Variants in MAN2A1 observed in about 807,000 individuals in gnomAD.
MAN2A1 encodes alpha-mannosidase 2.
MAN2A1 carries 76 observed loss-of-function variants against 142.6 expected under a neutral mutation model. That is an observed-to-expected ratio of 0.53 (90% CI 0.44 to 0.65). The LOEUF (loss-of-function observed/expected upper bound fraction) is 0.65. MAN2A1 is among the 30% of genes least tolerant of loss of function. The pLI, the probability that MAN2A1 is intolerant of heterozygous loss-of-function variation, is 0.00. For missense variants in MAN2A1, 1,311 were observed against 1,365.1 expected, an observed-to-expected ratio of 0.96 and a Z score of 0.62; for synonymous variants, 559 against 473.2, an observed-to-expected ratio of 1.18 and a Z score of -2.35.
chr5:109,697,466 C>CAAGG (rs1384890617), intron 1 of MAN2A1, among the ~76,000 whole-genome samples: 1 of 152,130 alleles, frequency 6.6e-6, no homozygotes, highest in Non-Finnish European at 1.5e-5. Flanking sequence ...CTTTTGTCTC[C>CAAGG]AAGGCCTCTG....
chr5:109,810,498 C>T (rs991562677), intron 12 of MAN2A1, among the ~76,000 whole-genome samples: 15 of 152,196 alleles, frequency 9.9e-5, no homozygotes, highest in Non-Finnish European at 1.5e-5. Context: ...CAGAAGCTTT[C>T]TGTTCAGGTT....
chr5:109,760,382 A>AT (rs1360885746), intron 5 of MAN2A1, among the ~76,000 whole-genome samples: 6 of 152,148 alleles, frequency 3.9e-5, no homozygotes, highest in African/African-American at 1.4e-4. Context: ...CCAGTTTATC[A>AT]TTGATGGGCA....
At chr5:109,780,215 A>G (rs1753417772) in intron 8 of MAN2A1, among the ~76,000 whole-genome samples, 1 of 151,700 alleles carries the variant, frequency 6.6e-6, no homozygotes, top group South Asian at 2.1e-4. Flanking sequence ...CTGCCACCAC[A>G]CCCAGCTAAT....
chr5:109,821,935 G>A (rs1036429333), intron 15 of MAN2A1, among the ~76,000 whole-genome samples: 3 of 151,130 alleles, frequency 2.0e-5, no homozygotes, highest in South Asian at 2.1e-4. Context: ...TTCTTCCTTT[G>A]CTTTTATACC....
At chr5:109,807,337 T>C (rs1754192360) in intron 12 of MAN2A1, among the ~76,000 whole-genome samples, 1 of 152,226 alleles carries the variant, frequency 6.6e-6, no homozygotes, top group African/African-American at 2.4e-5. Context: ...ACCTGGTATA[T>C]TAGTTTCCTG....
intron 18 of MAN2A1, among the ~76,000 whole-genome samples, chr5:109,846,798 T>C (rs1755355178): frequency 6.6e-6 from 1 of 152,176 alleles, no homozygotes; most frequent in South Asian, 2.1e-4. Flanking sequence ...AACTGCTACT[T>C]CTCATTTTTC....
At chr5:109,827,787 A>G (rs976741807) in intron 16 of MAN2A1, among the ~76,000 whole-genome samples, 2 of 152,228 alleles carry the variant, frequency 1.3e-5, no homozygotes, top group African/African-American at 4.8e-5. Context: ...TAAAAGCTCT[A>G]CAAGATCAGA....
At chr5:109,746,794 C>T (rs182502549) in intron 4 of MAN2A1, among the ~76,000 whole-genome samples, 103 of 152,278 alleles carry the variant, frequency 6.8e-4, no homozygotes, top group African/African-American at 2.4e-3. Context: ...CTGGCAACCA[C>T]TGTTCTGTTT....
intron 13 of MAN2A1, 102 bp from the exon 14 acceptor site, chr5:109,819,567 T>C (rs1754564930): frequency 1.5e-6 from 1 of 648,608 alleles, no homozygotes; most frequent in East Asian, 3.1e-5. Context: ...ATTCTCTTTT[T>C]AAAAAATATG....
At chr5:109,841,400 G>C (rs1001746667) in intron 16 of MAN2A1, among the ~76,000 whole-genome samples, 1 of 152,104 alleles carries the variant, frequency 6.6e-6, no homozygotes, top group South Asian at 2.1e-4. Flanking sequence ...ACAGTGTTTG[G>C]TTTTCCATTC....
chr5:109,822,466 T>TA (rs1211329248), intron 15 of MAN2A1, among the ~76,000 whole-genome samples: 1 of 151,842 alleles, frequency 6.6e-6, no homozygotes, highest in African/African-American at 2.4e-5. Flanking sequence ...AGAGAGAAAA[T>TA]AAAAAACATC....
At position 109,754,728 on chromosome 5, in the gene MAN2A1, G is replaced by A. The variant is rs542040821; in HGVS notation, c.708-601G>A. Among the ~76,000 whole-genome samples, 462 of 152,302 alleles carry A rather than the reference G, an allele frequency of 3.0e-3. 4 individuals carry two copies. The highest frequency in any genetic ancestry group is 0.01 in the African/African-American group (429 of 41,568). ...GAAATAAACTAGATATGGGCTGGGC[G>A]TGGTGGCTCACGCCTGTAATCCCAG... On this transcript the variant is annotated intron_variant, in intron 4 of 21. Transcript: ENST00000261483.
chr5:109,843,610 T>C (rs1755270698), intron 17 of MAN2A1, among the ~76,000 whole-genome samples: 1 of 152,186 alleles, frequency 6.6e-6, no homozygotes, highest in Non-Finnish European at 1.5e-5. Flanking sequence ...CCATTATACA[T>C]ACACAGACAC....
chr5:109,845,946 G>T lies in MAN2A1; in HGVS notation c.2782G>T (p.Ala928Ser), dbSNP rs146323207. 19 of 1,613,704 alleles carry T rather than the reference G, an allele frequency of 1.2e-5. No homozygotes were observed. The highest frequency in any genetic ancestry group is 1.6e-5 in the Non-Finnish European group (19 of 1,179,782). Residue 928 changes from alanine (A) to serine (S), a missense_variant, in exon 18 of 22, where the codon GCC (alanine) becomes TCC (serine). This residue lies in a region of MAN2A1 where 890 missense variants were observed against 920.5 expected (regional missense o/e 0.97). Transcript: ENST00000261483. The stretch of plus-strand genomic sequence containing the variant: ...GACCACAATGGCCTATATCCAGGAT[G>T]CCAAACATCGTTTGACACTGCTCTC... ...PMTTMAYIQD[A>S]KHRLTLLSAQ...
At chr5:109,825,943 A>T (rs548969920) in intron 16 of MAN2A1, among the ~76,000 whole-genome samples, 1 of 114,412 alleles carries the variant, frequency 8.7e-6, no homozygotes, top group Non-Finnish European at 1.6e-5. Context: ...GTCTCGCTCT[A>T]TCGCCCAGGC....
intron 4 of MAN2A1, among the ~76,000 whole-genome samples, chr5:109,751,973 G>A (rs1014155708): frequency 6.6e-6 from 1 of 151,534 alleles, no homozygotes; most frequent in African/African-American, 2.4e-5. Flanking sequence ...AACTCCTTTT[G>A]GATGTCACAC....
At chr5:109,748,944 A>G (rs1752477289) in intron 4 of MAN2A1, among the ~76,000 whole-genome samples, 1 of 151,766 alleles carries the variant, frequency 6.6e-6, no homozygotes, top group Non-Finnish European at 1.5e-5. Context: ...AGGAATATGA[A>G]TCAGACAATC....
chr5:109,801,103 G>C (rs192020950), intron 12 of MAN2A1, among the ~76,000 whole-genome samples: 2 of 152,188 alleles, frequency 1.3e-5, no homozygotes, highest in Admixed American at 1.3e-4. Context: ...TTATTACAAT[G>C]GCTTCTGAAG....
intron 10 of MAN2A1, among the ~76,000 whole-genome samples, chr5:109,787,031 G>T (rs191784430): frequency 6.6e-6 from 1 of 151,988 alleles, no homozygotes; most frequent in Admixed American, 6.6e-5. Flanking sequence ...TGGAAAGCAA[G>T]AATACATCAT....
Sources: allele counts gnomAD v4.1 joint callset (sites outside exome capture counted in the v4.1 genomes callset), GRCh38; gene constraint gnomAD v4.1.1; regional missense constraint gnomAD v4.1.1; transcripts MANE v1.5; gene names NCBI Gene and HGNC (gene_info 2026-07-23, HGNC 2026-07-21).